Variants in TEX9 observed in about 807,000 individuals in gnomAD.
TEX9 encodes testis expressed 9.
Under a neutral mutation model 59.6 loss-of-function variants are expected in TEX9, and 74 were observed. That is an observed-to-expected ratio of 1.24 (90% CI 1.03 to 1.51). TEX9 has a LOEUF of 1.51. Ranked by LOEUF, TEX9 falls within the 40% of genes most tolerant of loss-of-function variation. TEX9 has a pLI of 0.00. For missense variants in TEX9, 522 were observed against 447.8 expected (o/e 1.17, Z -1.49); for synonymous variants, 186 against 152.2 (o/e 1.22, Z -1.64).
At chr15:56,266,604 G>T (rs1354858097) in intron 1 of TEX9, among the ~76,000 whole-genome samples, 1 of 151,018 alleles carries the variant, frequency 6.6e-6, no homozygotes, top group Non-Finnish European at 1.5e-5. Context: ...GTGATACTTT[G>T]CTCAGAATGA....
At chr15:56,329,202 T>A (rs563623112) in intron 1 of TEX9, among the ~76,000 whole-genome samples, 63 of 152,284 alleles carry the variant, frequency 4.1e-4, no homozygotes, top group African/African-American at 1.5e-3. Context: ...TCTGTGAGTC[T>A]AGAAGAACCA....
chr15:56,445,178 G>A (rs1286702278), intron 12 of TEX9, among the ~76,000 whole-genome samples: 4 of 151,834 alleles, frequency 2.6e-5, no homozygotes, highest in Non-Finnish European at 1.5e-5. Context: ...GGCCCTTGAC[G>A]TTTCCCCTTT....
At chr15:56,359,314 C>G (rs1364629029) in intron 1 of TEX9, among the ~76,000 whole-genome samples, 3 of 152,086 alleles carry the variant, frequency 2.0e-5, no homozygotes, top group African/African-American at 7.2e-5. Context: ...ATTTTCAGAA[C>G]TTTTTCATCA....
intron 1 of TEX9, among the ~76,000 whole-genome samples, chr15:56,270,499 G>C (rs2044501770): frequency 6.6e-6 from 1 of 152,152 alleles, no homozygotes; most frequent in Admixed American, 6.5e-5. Flanking sequence ...GCGTTTGCTT[G>C]ATAGATCTTC....
chr15:56,371,461 AT>A (rs11336443), intron 2 of TEX9, among the ~76,000 whole-genome samples: 56,206 of 148,862 alleles, frequency 0.38, 10,882 homozygotes, highest in South Asian at 0.59. Context: ...TTCTAAGTGC[AT>A]TTTTTTTTTC....
intron 4 of TEX9, among the ~76,000 whole-genome samples, chr15:56,386,690 A>G (rs73413960): frequency 0.027 from 4,045 of 152,118 alleles, 181 homozygotes; most frequent in African/African-American, 0.093. Flanking sequence ...TAAGTTATCA[A>G]AATTCCAAAC....
chr15:56,264,774 TG>T (rs1433872492), intron 1 of TEX9, among the ~76,000 whole-genome samples: 2 of 152,240 alleles, frequency 1.3e-5, no homozygotes, highest in African/African-American at 2.4e-5. Flanking sequence ...CTTAATTTTT[TG>T]TGTATGTTCT....
rs527858317 is a variant in TEX9 at position 56,442,078 on chromosome 15, G to T, written c.*30-3593G>T. Among the ~76,000 whole-genome samples the T allele has an allele frequency of 3.8e-4, 57 of 151,864 alleles. 2 individuals are homozygous for T. The South Asian group carries it at 0.011, about 29-fold the overall frequency. ...AAAAGAAAAAATAGGCTAAGTACAT[G>T]AACAGATACCTCTCAAAAAATGATA... On this transcript the variant is annotated intron_variant, in intron 12 of 12. Coordinates refer to ENST00000352903, the Ensembl canonical transcript of TEX9.
At chr15:56,365,442 T>A (rs779087359) in exon 1 of TEX9, 1 of 1,609,510 alleles carries the variant, frequency 6.2e-7, no homozygotes, top group African/African-American at 1.3e-5. Context: ...CGCGTCGCAG[T>A]CGCCGAAGAT....
chr15:56,259,742 T>A (rs1567064820), intron 1 of TEX9, among the ~76,000 whole-genome samples: 1 of 152,100 alleles, frequency 6.6e-6, no homozygotes, highest in African/African-American at 2.4e-5. Flanking sequence ...ATATAACTTT[T>A]TGAAATCTCT....
chr15:56,280,534 A>G (rs16976843), intron 1 of TEX9, among the ~76,000 whole-genome samples: 2,967 of 152,312 alleles, frequency 0.019, 91 homozygotes, highest in African/African-American at 0.066. Context: ...AGCCAAGTTA[A>G]ATAATGTATA....
At chr15:56,267,919 A>T (rs2044427065) in intron 1 of TEX9, among the ~76,000 whole-genome samples, 1 of 152,220 alleles carries the variant, frequency 6.6e-6, no homozygotes. Context: ...TACCTTAAAC[A>T]GTATGGCCAT....
At chr15:56,250,083 CT>C (rs2043979266) in intron 1 of TEX9, among the ~76,000 whole-genome samples, 1 of 152,146 alleles carries the variant, frequency 6.6e-6, no homozygotes, top group African/African-American at 2.4e-5. Context: ...GGATTTCCTT[CT>C]ACTCCAGCAG....
intron 1 of TEX9, among the ~76,000 whole-genome samples, chr15:56,356,480 G>GT (rs1318092534): frequency 3.3e-5 from 5 of 151,862 alleles, no homozygotes; most frequent in African/African-American, 4.8e-5. Flanking sequence ...CTCCACTAGT[G>GT]TTTTTTTTCT....
At chr15:56,428,401 C>G in exon 12 of TEX9, 1 of 1,612,022 alleles carries the variant, frequency 6.2e-7, no homozygotes. Flanking sequence ...CTATCTTTCA[C>G]TGAGGAGGAA....
At chr15:56,278,878 T>C (rs973709472) in intron 1 of TEX9, among the ~76,000 whole-genome samples, 51 of 152,210 alleles carry the variant, frequency 3.4e-4, no homozygotes, top group African/African-American at 1.2e-3. Context: ...AGCTTAGAAT[T>C]AGCAAATTTC....
chr15:56,402,255 A>G (rs1337364193), intron 9 of TEX9, among the ~76,000 whole-genome samples: 1 of 152,224 alleles, frequency 6.6e-6, no homozygotes, highest in Non-Finnish European at 1.5e-5. Context: ...CTAATAAAGA[A>G]GAAAATAGAG....
At chr15:56,345,426 G>A (rs1406271005) in intron 1 of TEX9, among the ~76,000 whole-genome samples, 1 of 152,146 alleles carries the variant, frequency 6.6e-6, no homozygotes, top group African/African-American at 2.4e-5. Context: ...TACTGAGCCT[G>A]CATCCCAGGT....
intron 1 of TEX9, among the ~76,000 whole-genome samples, chr15:56,275,873 T>G (rs755837179): frequency 6.6e-6 from 1 of 152,106 alleles, no homozygotes; most frequent in African/African-American, 2.4e-5. Context: ...ATTGCCTTCA[T>G]TTTTCAAAGA....
Sources: gnomAD v4.1 joint callset for allele counts (sites outside exome capture counted in the v4.1 genomes callset) on GRCh38, gnomAD v4.1.1 for gene constraint, MANE v1.5 for transcripts, NCBI Gene and HGNC (gene_info 2026-07-23, HGNC 2026-07-21) for gene names.